The following ABCC10 variants were observed in gnomAD, a reference collection of about 807,000 sequenced individuals.
ABCC10 encodes the protein ATP binding cassette subfamily C member 10, also known as ATP-binding cassette sub-family C member 10.
Under a neutral mutation model 143.2 loss-of-function variants are expected in ABCC10, and 110 were observed. The observed-to-expected ratio is 0.77, with a 90% CI of 0.66 to 0.90. The LOEUF (loss-of-function observed/expected upper bound fraction) is 0.90. ABCC10 is among the 40% of genes least tolerant of loss of function. The pLI is 0.00. For synonymous variants in ABCC10, 805 were observed against 846.7 expected, an observed-to-expected ratio of 0.95 and a Z score of 0.85; for missense variants, 1,700 against 1,900.5, an observed-to-expected ratio of 0.89 and a Z score of 1.96.
chr6:43,441,833 C>T (rs1782505501), intron 8 of ABCC10, 29 bp from the exon 9 acceptor site: 2 of 1,595,648 alleles, frequency 1.3e-6, no homozygotes, highest in African/African-American at 1.3e-5. Context: ...TGGGAGCTCC[C>T]TGACCCACTG....
chr6:43,440,874 A>AC (rs1459899567), intron 8 of ABCC10, among the ~76,000 whole-genome samples: 5 of 149,448 alleles, frequency 3.3e-5, no homozygotes, highest in Admixed American at 6.7e-5. Flanking sequence ...AAAAAAAAAA[A>AC]AATACCAGAC....
rs529791400 is a variant in ABCC10, at chr6:43,444,722, G to C, written c.2690-66G>C. On this transcript the variant is annotated intron_variant, in intron 12 of 21. Transcript: ENST00000372530. ...CCAGAGGCAAGGGCGGAGAAAGGGG[G>C]CATTGGAATAGAATGAACAAGGGAG... 87 of 1,514,180 alleles carry C rather than the reference G, an allele frequency of 5.7e-5. 2 individuals carry two copies. In the East Asian group the frequency reaches 2.0e-3, roughly 35 times the overall value. The allele number at this position is 1,514,180 out of a possible 1,614,324, so 93.8% of individuals were successfully genotyped here.
At chr6:43,438,050 T>G in intron 7 of ABCC10, 37 bp downstream of exon 7, 1 of 1,592,628 alleles carries the variant, frequency 6.3e-7, no homozygotes, top group Admixed American at 1.7e-5. Context: ...CCTTACTTTG[T>G]CCTTTAGCAA....
At chr6:43,441,196 G>A (rs1179388637) in intron 8 of ABCC10, among the ~76,000 whole-genome samples, 1 of 152,196 alleles carries the variant, frequency 6.6e-6, no homozygotes, top group Non-Finnish European at 1.5e-5. Flanking sequence ...CAGGGTAATA[G>A]GCCAGGCACG....
At chr6:43,447,970 G>A (rs1002185185) in intron 18 of ABCC10, 33 bp downstream of exon 18, 3 of 1,607,226 alleles carry the variant, frequency 1.9e-6, no homozygotes, top group African/African-American at 2.7e-5. Context: ...AGGGGAAGGG[G>A]GAACCAGAAC....
intron 16 of ABCC10, 174 bp downstream of exon 16, chr6:43,446,620 G>C (rs1440728464): frequency 3.0e-6 from 3 of 985,170 alleles, no homozygotes; most frequent in South Asian, 9.4e-5. Flanking sequence ...CAATCCCCAG[G>C]AGGGACTTGC....
At chr6:43,440,878 A>G (rs1043568438) in intron 8 of ABCC10, among the ~76,000 whole-genome samples, 2 of 141,998 alleles carry the variant, frequency 1.4e-5, no homozygotes, top group Non-Finnish European at 3.1e-5. Flanking sequence ...AAAAAAAAAT[A>G]CCAGACCACC....
chr6:43,446,683 A>C (rs1005201939), intron 16 of ABCC10: 8 of 985,198 alleles, frequency 8.1e-6, no homozygotes, highest in Non-Finnish European at 9.6e-6. Context: ...TGCTGGTCTC[A>C]GTCCCTTCCC....
rs906837910 is a variant in ABCC10, at chr6:43,444,097, A to G, written c.2495-62A>G. 1.9e-6 allele frequency: 3 copies of G among 1,610,290 alleles called. No individual in the cohort carries two copies. In the African/African-American group the frequency reaches 4.0e-5, roughly 22 times the overall value. The stretch of plus-strand genomic sequence containing the variant: ...TACAACGGCTGCCCGCTCCTCTGAA[A>G]TACTGAGTTTTCAGCTGGCACCCTG... On this transcript the variant is annotated intron_variant, in intron 11 of 21. Coordinates refer to ENST00000372530, the MANE Select transcript of ABCC10 (RefSeq NM_001198934.2).
chr6:43,442,959 C>A lies in ABCC10; in HGVS notation c.2227-11C>A. ...GGTCCTGGTGCCCACGGTACCCTCA[C>A]GTCTCCATAGGAAAAGGAGCTCTAT... On this transcript the variant is annotated splice_polypyrimidine_tract_variant and intron_variant, in intron 9 of 21. Transcript: ENST00000372530. 6.4e-7 allele frequency: 1 copy of A among 1,566,268 alleles called. No homozygotes were observed. Among genetic ancestry groups the A allele is most frequent in the South Asian group, 1.2e-5 (1 of 82,884 alleles).
intron 8 of ABCC10, among the ~76,000 whole-genome samples, chr6:43,439,083 G>T (rs774031303): frequency 1.3e-5 from 2 of 152,130 alleles, no homozygotes; most frequent in East Asian, 1.9e-4. Context: ...CTGGCTCCTT[G>T]TCCCCTTCTC....
At chr6:43,428,438 A>G (rs545240208) in intron 2 of ABCC10, among the ~76,000 whole-genome samples, 26 of 152,190 alleles carry the variant, frequency 1.7e-4, no homozygotes, top group Non-Finnish European at 2.8e-4. Context: ...GTCCATTTTC[A>G]GCTACCCGGA....
chr6:43,434,547 T>TG lies in ABCC10; in HGVS notation c.1381-70dup. The TG allele has an allele frequency of 2.1e-6, 3 of 1,398,040 alleles. No homozygotes were observed. In the South Asian group the frequency reaches 3.9e-5, roughly 18 times the overall value. 86.6% of individuals were successfully genotyped at this position (1,398,040 alleles called of 1,614,324 possible). A position where few individuals can be genotyped will look rare whatever the true frequency, so the allele number is the denominator to read the frequency against. ...AGTACTGAACATTCTGCCAGCAGCC[T>TG]GGGGAAGGCTTGGCAGGGAAGACAC... On this transcript the variant is annotated intron_variant, in intron 3 of 21. Transcript: ENST00000372530.
At position 43,445,817 on chromosome 6, in the gene ABCC10, C is replaced by CCACTACAGGGCCTCCT. The variant is rs747672239; in HGVS notation, c.3253_3268dup (p.Arg1090LeufsTer21). On this transcript the variant is annotated frameshift_variant, in exon 15 of 22. Coordinates refer to ENST00000372530, the MANE Select transcript of ABCC10 (RefSeq NM_001198934.2). LOFTEE classifies it high-confidence loss of function. ...GCATCATGTACTATCACGTGCAGCGCCACTACAGGGCCTCCTCACGGGAGC... is the reference window on the plus strand; with the variant it reads ...GCATCATGTACTATCACGTGCAGCGCCACTACAGGGCCTCCTCACTACAGGGCCTCCTCACGGGAGC... The CCACTACAGGGCCTCCT allele has an allele frequency of 6.2e-7, 1 of 1,614,154 alleles. No homozygotes were observed. Among genetic ancestry groups the CCACTACAGGGCCTCCT allele is most frequent in the South Asian group, 1.1e-5 (1 of 91,088 alleles).
chr6:43,446,242 G>C, intron 15 of ABCC10, 35 bp from the exon 16 acceptor site: 1 of 1,597,798 alleles, frequency 6.3e-7, no homozygotes, highest in Non-Finnish European at 8.5e-7. Context: ...CAGGGCAACA[G>C]TGGAGTGGCT....
chr6:43,438,241 G>A, intron 7 of ABCC10: 1 of 1,011,414 alleles, frequency 9.9e-7, no homozygotes, highest in Non-Finnish European at 1.4e-6. Flanking sequence ...GCAAAGGAAT[G>A]GAAACATCCA....
intron 8 of ABCC10, among the ~76,000 whole-genome samples, chr6:43,439,291 A>G (rs1027605040): frequency 6.6e-6 from 1 of 152,120 alleles, no homozygotes; most frequent in East Asian, 1.9e-4. Context: ...TGTCACCACC[A>G]CTACCCTACC....
At chr6:43,434,881 A>G (rs756662515) in intron 4 of ABCC10, 33 bp downstream of exon 4, 5 of 1,599,974 alleles carry the variant, frequency 3.1e-6, no homozygotes, top group Non-Finnish European at 4.3e-6. Flanking sequence ...ACCAGCATCA[A>G]GGAGACTTCA....
rs1782921776 is a variant in ABCC10, at chr6:43,445,296, G to A, written c.3012G>A (p.Leu1004=). 1 of 1,613,748 alleles carries A rather than the reference G, an allele frequency of 6.2e-7. No individual in the cohort carries two copies. Residue 1004 remains leucine, a synonymous_variant, in exon 14 of 22, where the codon CTG becomes CTA. Coordinates refer to ENST00000372530, the MANE Select transcript of ABCC10 (RefSeq NM_001198934.2). The part of the protein sequence containing the change: ...LQAAATLHRR[L]LHRVLMAPVT... ...CAGCTGCCACTCTGCATCGCCGCCT[G>A]CTGCATCGAGTCCTTATGGTGAGGG...
Sources: allele counts gnomAD v4.1 joint callset (sites outside exome capture counted in the v4.1 genomes callset), GRCh38; gene constraint gnomAD v4.1.1; transcripts MANE v1.5; gene names NCBI Gene and HGNC (gene_info 2026-07-23, HGNC 2026-07-21).